GALNT12: variants seen among roughly 807,000 people sequenced by gnomAD.
GALNT12 encodes the protein UDP-GalNAc:polypeptide N-acetylgalactosaminyltransferase 12.
Under a neutral mutation model 55.5 loss-of-function variants are expected in GALNT12, and 45 were observed. The ratio of observed to expected loss-of-function variants is 0.81; its 90% CI spans 0.64 to 1.04. The LOEUF (loss-of-function observed/expected upper bound fraction) is 1.04, where lower values mean the gene tolerates loss of function less well. GALNT12 is among the 50% of genes least tolerant of loss of function. The probability of loss-of-function intolerance (pLI) is 0.00; values close to 1 mark genes in which losing one functional copy is unlikely to be tolerated. For missense variants in GALNT12, 709 were observed against 754.8 expected (o/e 0.94, Z 0.71); for synonymous variants, 304 against 312.2 (o/e 0.97, Z 0.28).
chr9:98,825,703 G>A (rs949074867), intron 2 of GALNT12, among the ~76,000 whole-genome samples: 2 of 152,134 alleles, frequency 1.3e-5, no homozygotes, highest in Non-Finnish European at 2.9e-5. Context: ...GGCTGGGTGC[G>A]GTGGCTCATG....
chr9:98,826,549 T>TC (rs1835859665), intron 2 of GALNT12, among the ~76,000 whole-genome samples: 1 of 152,062 alleles, frequency 6.6e-6, no homozygotes, highest in African/African-American at 2.4e-5. Context: ...CTGGAATTCC[T>TC]CCCCCAGCCT....
At chr9:98,844,270 G>T in intron 8 of GALNT12, 61 bp downstream of exon 8, 1 of 1,120,950 alleles carries the variant, frequency 8.9e-7, no homozygotes, top group Non-Finnish European at 1.3e-6. Flanking sequence ...TTAAATAGTT[G>T]AATTTTTTTC....
chr9:98,833,474 G>A (rs1027671369), intron 4 of GALNT12, among the ~76,000 whole-genome samples: 7 of 152,160 alleles, frequency 4.6e-5, no homozygotes, highest in Non-Finnish European at 5.9e-5. Context: ...TGAAGGGATC[G>A]GAGCAGGAAG....
chr9:98,838,439 C>T (rs1337959691), intron 6 of GALNT12, among the ~76,000 whole-genome samples: 1 of 152,228 alleles, frequency 6.6e-6, no homozygotes, highest in East Asian at 1.9e-4. Flanking sequence ...CTCAGCCACA[C>T]ACTACAGGGA....
At chr9:98,839,379 A>C (rs1219791075) in intron 6 of GALNT12, among the ~76,000 whole-genome samples, 2 of 152,244 alleles carry the variant, frequency 1.3e-5, no homozygotes, top group Non-Finnish European at 1.5e-5. Context: ...TTCTGCACTC[A>C]GCATTTTTCT....
At chr9:98,823,500 G>A in intron 2 of GALNT12, 75 bp downstream of exon 2, 3 of 1,355,734 alleles carry the variant, frequency 2.2e-6, no homozygotes, top group Admixed American at 3.4e-5. Context: ...TGGGATGCAG[G>A]AGGGCTAAAG....
chr9:98,835,218 A>T, intron 4 of GALNT12, 31 bp from the exon 5 acceptor site: 1 of 1,419,858 alleles, frequency 7.0e-7, no homozygotes, highest in Non-Finnish European at 1.0e-6. Context: ...TCTGCTGTCT[A>T]CAGTGAAATA....
At chr9:98,831,711 A>C in intron 3 of GALNT12, 61 bp from the exon 4 acceptor site, 1 of 1,586,242 alleles carries the variant, frequency 6.3e-7, no homozygotes. Flanking sequence ...TGAATTTCCC[A>C]ATTGTCTTCC....
rs1015509672 is a variant in GALNT12 at position 98,849,482 on chromosome 9, T to C, written c.*390T>C. On this transcript the variant is annotated 3_prime_UTR_variant, in exon 10 of 10. Transcript: ENST00000375011. Reference sequence around the variant, plus strand: ...ACAAGAATTCCCAGGTACGAAGATATCTGCATGGGTGGAAATCAGGTTCAA... The same window carrying C: ...ACAAGAATTCCCAGGTACGAAGATACCTGCATGGGTGGAAATCAGGTTCAA... 6 of 525,876 alleles carry C rather than the reference T, an allele frequency of 1.1e-5. No homozygotes were observed. Among genetic ancestry groups the C allele is most frequent in the Admixed American group, 3.7e-5 (1 of 27,126 alleles). The allele number at this position is 525,876 out of a possible 1,614,324, so 32.6% of individuals were successfully genotyped here.
chr9:98,827,517 T>A (rs1286528806), intron 3 of GALNT12, among the ~76,000 whole-genome samples: 1 of 152,206 alleles, frequency 6.6e-6, no homozygotes, highest in Non-Finnish European at 1.5e-5. Context: ...ACCGAGGAAG[T>A]ATCATCAACC....
chr9:98,846,012 T>G lies in GALNT12; in HGVS notation c.1494T>G (p.Tyr498Ter). 1 of 1,614,176 alleles carries G rather than the reference T, an allele frequency of 6.2e-7. No individual in the cohort carries two copies. The highest frequency in any genetic ancestry group is 8.5e-7 in the Non-Finnish European group (1 of 1,180,008). The change falls in exon 9 of 10, where the codon TAT (tyrosine) becomes TAG (stop). Residue 498 changes from tyrosine (Y) to a stop codon, truncating the protein, a stop_gained. Coordinates refer to ENST00000375011, the MANE Select transcript of GALNT12 (RefSeq NM_024642.5). LOFTEE classifies it high-confidence loss of function. ...ACACGTCCCAGAAAGAAATACGCTA[T>G]AACACCCACCAGCCTGAGGGCTGCA... Reference protein sequence around the residue: ...FEYTSQKEIRYNTHQPEGCIA... With the variant: ...FEYTSQKEIR
In GALNT12 at chr9:98,835,303, T is replaced by A. The variant is rs1383129195; in HGVS notation, c.972T>A (p.Tyr324Ter). The A allele has an allele frequency of 6.2e-7, 1 of 1,614,088 alleles. No homozygotes were observed. ...CTGTGAGTAAGAAATATTTTGAATATCTGGGGTCTTATGATACAGGAATGG... is the reference window on the plus strand; with the variant it reads ...CTGTGAGTAAGAAATATTTTGAATAACTGGGGTCTTATGATACAGGAATGG... ...LFAVSKKYFE[Y>*]LGSYDTGMEV... The change falls in exon 5 of 10, where the codon TAT becomes TAA. Residue 324 changes from tyrosine to a stop codon, truncating the protein, a stop_gained. Transcript: ENST00000375011. LOFTEE classifies it high-confidence loss of function.
intron 5 of GALNT12, among the ~76,000 whole-genome samples, chr9:98,836,451 GCTGT>G (rs1378805143): frequency 3.3e-5 from 5 of 152,148 alleles, no homozygotes; most frequent in African/African-American, 1.2e-4. Flanking sequence ...GATATTCAAG[GCTGT>G]CAGTCCCAGT....
At chr9:98,841,786 T>G (rs1206514611) in intron 7 of GALNT12, among the ~76,000 whole-genome samples, 1 of 151,924 alleles carries the variant, frequency 6.6e-6, no homozygotes, top group East Asian at 1.9e-4. Flanking sequence ...TTCTCCTGCC[T>G]CAGCCTCCCG....
At chr9:98,828,914 C>G (rs902516323) in intron 3 of GALNT12, among the ~76,000 whole-genome samples, 6 of 152,240 alleles carry the variant, frequency 3.9e-5, no homozygotes, top group African/African-American at 1.4e-4. Context: ...ACTGCAACCT[C>G]CGCCTCCCAA....
rs752958995 is a variant in GALNT12 at position 98,849,024 on chromosome 9, G to A, written c.1678G>A (p.Val560Ile). ...AARKESSDSF[V>I]PLLRDCTNSD... Reference sequence around the variant, plus strand: ...GAGGAAGGAGTCGAGTGACAGTTTCGTTCCACTCTTACGAGACTGCACCAA... The same window carrying A: ...GAGGAAGGAGTCGAGTGACAGTTTCATTCCACTCTTACGAGACTGCACCAA... Residue 560 changes from valine (V) to isoleucine (I), a missense_variant, in exon 10 of 10, where the codon GTT becomes ATT. Physicochemically the swap from Val to Ile is conservative, Grantham distance 29. Coordinates refer to ENST00000375011, the MANE Select transcript of GALNT12 (RefSeq NM_024642.5). 9.3e-6 allele frequency: 15 copies of A among 1,614,120 alleles called. No homozygotes were observed. The highest frequency in any genetic ancestry group is 3.3e-5 in the South Asian group (3 of 91,086).
Position 98,849,644 on chromosome 9 carries a change from G to C in GALNT12, c.*552G>C. The C allele has an allele frequency of 2.4e-6, 1 of 408,700 alleles. No individual in the cohort carries two copies. The highest frequency in any genetic ancestry group is 4.3e-6 in the Non-Finnish European group (1 of 231,654). 25.3% of individuals were successfully genotyped at this position (408,700 alleles called of 1,614,324 possible). On this transcript the variant is annotated 3_prime_UTR_variant, in exon 10 of 10. Transcript: ENST00000375011. ...CTTCTAGATGTATTTTAAAAAGAAT[G>C]CTTTTTGGTTATGTGTTGCTACCAC...
In GALNT12 at chr9:98,849,587, A is replaced by T. The variant is rs577989678; in HGVS notation, c.*495A>T. On this transcript the variant is annotated 3_prime_UTR_variant, in exon 10 of 10. Transcript: ENST00000375011. ...CAGTATAGAGAGACTGTCACTAGGA[A>T]CATTGTATTGATTTATTCAGGTCAT... The T allele has an allele frequency of 1.8e-3, 763 of 431,170 alleles. 16 individuals are homozygous for T. The East Asian group carries it at 0.025, about 14-fold the overall frequency. The allele number at this position is 431,170 out of a possible 1,614,324, so 26.7% of individuals were successfully genotyped here. A position where few individuals can be genotyped will look rare whatever the true frequency, so the allele number is the denominator to read the frequency against.
chr9:98,834,168 G>C (rs1241262448), intron 4 of GALNT12, among the ~76,000 whole-genome samples: 3 of 151,948 alleles, frequency 2.0e-5, no homozygotes, highest in Non-Finnish European at 4.4e-5. Context: ...ACCCAGGCTG[G>C]AGTGCAGTGG....
Sources: allele counts gnomAD v4.1 joint callset (sites outside exome capture counted in the v4.1 genomes callset), GRCh38; gene constraint gnomAD v4.1.1; transcripts MANE v1.5; gene names NCBI Gene and HGNC (gene_info 2026-07-23, HGNC 2026-07-21).